The following KCNMA1 variants were observed in gnomAD, a reference collection of about 807,000 sequenced individuals.
KCNMA1 encodes the protein potassium calcium-activated channel subfamily M alpha 1, also known as Calcium-activated potassium channel subunit alpha-1.
In KCNMA1, 29 loss-of-function variants were observed where a neutral mutation model predicts 140.0. That is an observed-to-expected ratio of 0.21 (90% CI 0.15 to 0.28). The LOEUF (loss-of-function observed/expected upper bound fraction) is 0.28. KCNMA1 is among the 10% of genes least tolerant of loss of function. The pLI is 1.00. For synonymous variants in KCNMA1, 612 were observed against 611.9 expected (o/e 1.00, Z 0.00); for missense variants, 880 against 1,602.2 (o/e 0.55, Z 7.70).
At chr10:76,976,925 A>G (rs1389536764) in intron 19 of KCNMA1, among the ~76,000 whole-genome samples, 1 of 152,102 alleles carries the variant, frequency 6.6e-6, no homozygotes, top group Non-Finnish European at 1.5e-5. Flanking sequence ...AAAATTCGAG[A>G]ACTTCCCTGA....
chr10:76,999,205 C>T (rs948506546), intron 19 of KCNMA1, among the ~76,000 whole-genome samples: 5 of 152,216 alleles, frequency 3.3e-5, no homozygotes, highest in African/African-American at 1.2e-4. Context: ...TGAGAAATCC[C>T]TCTAATTAAG....
intron 1 of KCNMA1, among the ~76,000 whole-genome samples, chr10:77,462,324 C>T (rs2097891577): frequency 6.6e-6 from 1 of 152,058 alleles, no homozygotes; most frequent in Non-Finnish European, 1.5e-5. Context: ...CATATATACA[C>T]TTAAATACAT....
rs147823633 is a variant in KCNMA1 at position 77,412,018 on chromosome 10, G to A, written c.379-7995C>T. ...CAGCACTAAGAGGCTGAGCTCTGCC[G>A]GGCCTGACGCACCTGAGTGGGAGGT... is the stretch of plus-strand genomic sequence containing the variant. On this transcript the variant is annotated intron_variant, in intron 1 of 27. Transcript: ENST00000286628. 1.7e-3 allele frequency among the ~76,000 whole-genome samples: 264 copies of A among 152,280 alleles called. 2 individuals carry two copies. The highest frequency in any genetic ancestry group is 5.8e-3 in the African/African-American group (242 of 41,576).
At chr10:77,065,448 C>A (rs1332060275) in intron 14 of KCNMA1, among the ~76,000 whole-genome samples, 2 of 152,198 alleles carry the variant, frequency 1.3e-5, no homozygotes, top group African/African-American at 4.8e-5. Flanking sequence ...GAGACCCTCA[C>A]AAGCCCCAGA....
Position 77,019,027 on chromosome 10 carries a change from G to A in KCNMA1, c.2001C>T (p.Ala667=). The change falls in exon 17 of 28, where the codon GCC becomes GCT. Residue 667 remains alanine (A), a synonymous_variant. Coordinates refer to ENST00000286628, the MANE Select transcript of KCNMA1 (RefSeq NM_001161352.2). ...GTLGFFIASD[A]KEVKRAFFYC... ...TAAACTCTTACCTTTTAACTTCTTT[G>A]GCATCACTTGCGATGAAAAATCCTA... 1 of 1,581,772 alleles carries A rather than the reference G, an allele frequency of 6.3e-7. No individual in the cohort carries two copies.
chr10:77,340,704 C>A (rs185911538), intron 2 of KCNMA1, among the ~76,000 whole-genome samples: 2 of 150,352 alleles, frequency 1.3e-5, no homozygotes, highest in Non-Finnish European at 3.0e-5. Context: ...CACACTGGGG[C>A]CTGTCGTGGG....
chr10:77,565,969 G>C (rs560426672), intron 1 of KCNMA1, among the ~76,000 whole-genome samples: 32 of 152,278 alleles, frequency 2.1e-4, no homozygotes, highest in African/African-American at 7.7e-4. Flanking sequence ...CATCAGAAAT[G>C]CAAAGGCAGT....
At chr10:77,636,877 C>G in intron 1 of KCNMA1, 1 of 1,424,786 alleles carries the variant, frequency 7.0e-7, no homozygotes, top group Non-Finnish European at 9.1e-7. Flanking sequence ...GGCAGGTGAG[C>G]GGTGCAAAAC....
At position 76,999,502 on chromosome 10, in the gene KCNMA1, C is replaced by T. The variant is rs906442075; in HGVS notation, c.2266+1905G>A. ...TCAAAGAGATGTGACCAATTCATGC[C>T]ACCTCAGGCCCTCCTCTGCTCTTCC... is the stretch of plus-strand genomic sequence containing the variant. On this transcript the variant is annotated intron_variant, in intron 19 of 27. Transcript: ENST00000286628. Among the ~76,000 whole-genome samples, 8 of 152,190 alleles carry T rather than the reference C, an allele frequency of 5.3e-5. No individual in the cohort carries two copies. The East Asian group carries it at 1.3e-3, about 26-fold the overall frequency.
chr10:77,186,143 C>T (rs889447851), intron 3 of KCNMA1, among the ~76,000 whole-genome samples: 5 of 152,090 alleles, frequency 3.3e-5, no homozygotes, highest in East Asian at 1.9e-4. Context: ...TAGAGGAACT[C>T]GGGGCCCACT....
intron 18 of KCNMA1, among the ~76,000 whole-genome samples, chr10:77,004,303 T>C (rs183245794): frequency 7.5e-6 from 1 of 132,550 alleles, no homozygotes; most frequent in Non-Finnish European, 1.6e-5. Context: ...ACAGAAACAG[T>C]TAAAAACTAT....
At chr10:77,247,627 G>C (rs2058834364) in intron 3 of KCNMA1, among the ~76,000 whole-genome samples, 2 of 152,178 alleles carry the variant, frequency 1.3e-5, no homozygotes, top group African/African-American at 4.8e-5. Flanking sequence ...TTGGGCAGGA[G>C]TCCTTTTAAA....
At chr10:77,227,236 TAC>T (rs754910268) in intron 3 of KCNMA1, among the ~76,000 whole-genome samples, 1 of 152,218 alleles carries the variant, frequency 6.6e-6, no homozygotes, top group Non-Finnish European at 1.5e-5. Flanking sequence ...TACAATTAGT[TAC>T]AGATAGGAAA....
chr10:76,884,040 A>G (rs956303405), downstream of KCNMA1: 41 of 942,714 alleles, frequency 4.3e-5, no homozygotes, highest in Non-Finnish European at 4.9e-5. Context: ...TCAAAATTCC[A>G]TCTCTTATCA....
At chr10:76,917,898 A>G (rs547844685) in intron 23 of KCNMA1, among the ~76,000 whole-genome samples, 4 of 152,304 alleles carry the variant, frequency 2.6e-5, no homozygotes, top group African/African-American at 9.6e-5. Flanking sequence ...ATTGCCCCAG[A>G]TTCCTTAAAT....
intron 1 of KCNMA1, among the ~76,000 whole-genome samples, chr10:77,404,301 T>C (rs2096390087): frequency 6.6e-6 from 1 of 152,166 alleles, no homozygotes; most frequent in African/African-American, 2.4e-5. Context: ...TTTTTTGAGA[T>C]GAAGTCTCAC....
At chr10:77,248,864 C>T (rs1009171781) in intron 3 of KCNMA1, among the ~76,000 whole-genome samples, 2 of 152,172 alleles carry the variant, frequency 1.3e-5, no homozygotes, top group Non-Finnish European at 2.9e-5. Flanking sequence ...AGCTTGCTTG[C>T]CGTCTTTCCC....
chr10:77,414,783 C>A (rs1470577856), intron 1 of KCNMA1, among the ~76,000 whole-genome samples: 1 of 152,194 alleles, frequency 6.6e-6, no homozygotes, highest in East Asian at 1.9e-4. Context: ...AGCCACCACG[C>A]CTGGCTGCAA....
chr10:76,885,447 T>A lies in KCNMA1; in HGVS notation c.*1819A>T, dbSNP rs1448641030. 6.1e-6 allele frequency: 6 copies of A among 985,152 alleles called. No homozygotes were observed. The East Asian group carries it at 4.5e-4, about 74-fold the overall frequency. 61.0% of individuals were successfully genotyped at this position (985,152 alleles called of 1,614,324 possible). ...TGTGGGGGAGGGTGGAGGTTCTGAC[T>A]GAGCCTCACCATTTGTCAGTAAAAG... On this transcript the variant is annotated 3_prime_UTR_variant, in exon 28 of 28. Coordinates refer to ENST00000286628, the MANE Select transcript of KCNMA1 (RefSeq NM_001161352.2).
Sources: gnomAD v4.1 joint callset for allele counts (sites outside exome capture counted in the v4.1 genomes callset) on GRCh38, gnomAD v4.1.1 for gene constraint, MANE v1.5 for transcripts, NCBI Gene and HGNC (gene_info 2026-07-23, HGNC 2026-07-21) for gene names.